Variants in OSBPL3 observed in about 807,000 individuals in gnomAD.
The protein encoded by OSBPL3 is oxysterol-binding protein-related protein 3.
In OSBPL3, 65 loss-of-function variants were observed where a neutral mutation model predicts 120.1. That is an observed-to-expected ratio of 0.54 (90% CI 0.44 to 0.67). OSBPL3 has a LOEUF of 0.67. Ranked by LOEUF, OSBPL3 falls within the 30% of genes least tolerant of loss-of-function variation. The pLI is 0.00. For synonymous variants in OSBPL3, 416 were observed against 402.6 expected, an observed-to-expected ratio of 1.03 and a Z score of -0.40; for missense variants, 1,004 against 1,082.1, an observed-to-expected ratio of 0.93 and a Z score of 1.01.
At position 24,899,195 on chromosome 7, in the gene OSBPL3, A is replaced by G. The variant is rs1284769803; in HGVS notation, c.-149-6574T>C. Among the ~76,000 whole-genome samples, 1 of 152,116 alleles carries G rather than the reference A, an allele frequency of 6.6e-6. No individual in the cohort carries two copies. The highest frequency in any genetic ancestry group is 6.5e-5 in the Admixed American group (1 of 15,270). Reference sequence around the variant, plus strand: ...ATCACCCTTCAATTTGTGCTTCTCTAACAGTGATGCCCAGATTTAAAGACA... The same window carrying G: ...ATCACCCTTCAATTTGTGCTTCTCTGACAGTGATGCCCAGATTTAAAGACA... On this transcript the variant is annotated intron_variant, in intron 1 of 22. Transcript: ENST00000313367. The surrounding 1 kb of genome is among the most constrained non-coding windows in gnomAD (Gnocchi z 4.0).
At chr7:24,908,986 A>T (rs139393536) in intron 1 of OSBPL3, among the ~76,000 whole-genome samples, 3 of 152,308 alleles carry the variant, frequency 2.0e-5, no homozygotes, top group African/African-American at 7.2e-5. Context: ...TGTCCTTTTC[A>T]AGCACATGGT....
At position 24,863,332 on chromosome 7, in the gene OSBPL3, T is replaced by G; in HGVS notation, c.778-40A>C. On this transcript the variant is annotated intron_variant, in intron 8 of 22. Transcript: ENST00000313367. The surrounding 1 kb of genome is among the most constrained non-coding windows in gnomAD (Gnocchi z 5.8). ...AGGAAAGAGAGCACAGACAGTAAAG[T>G]CCACCAAACCGACAAGGATAAATGC... 1 of 1,561,774 alleles carries G rather than the reference T, an allele frequency of 6.4e-7. No homozygotes were observed. The highest frequency in any genetic ancestry group is 8.8e-7 in the Non-Finnish European group (1 of 1,132,330).
In OSBPL3 at chr7:24,979,874, C is replaced by T; in HGVS notation, c.-150+12G>A. On this transcript the variant is annotated intron_variant, in intron 1 of 22. Coordinates refer to ENST00000313367, the MANE Select transcript of OSBPL3 (RefSeq NM_015550.4). ...ACCCAGGCCCCATTTAGGCGGGCGCCCCGCCACTCACCTGAGCGCTGTGCA... is the reference window on the plus strand; with the variant it reads ...ACCCAGGCCCCATTTAGGCGGGCGCTCCGCCACTCACCTGAGCGCTGTGCA... The T allele has an allele frequency of 5.1e-6, 5 of 985,386 alleles. No homozygotes were observed. Among genetic ancestry groups the T allele is most frequent in the Non-Finnish European group, 6.0e-6 (5 of 829,910 alleles). The allele number at this position is 985,386 out of a possible 1,614,324, so 61.0% of individuals were successfully genotyped here.
At chr7:24,809,989 A>G in intron 19 of OSBPL3, 38 bp from the exon 20 acceptor site, 1 of 1,610,848 alleles carries the variant, frequency 6.2e-7, no homozygotes, top group Non-Finnish European at 8.5e-7. Flanking sequence ...GTCCTTTAGC[A>G]TCAGCTTATT....
At chr7:24,859,299 C>T (rs1324348999) in intron 10 of OSBPL3, among the ~76,000 whole-genome samples, 1 of 151,890 alleles carries the variant, frequency 6.6e-6, no homozygotes, top group African/African-American at 2.4e-5. Context: ...ACTGCCCTCC[C>T]ACTGAAAAAT....
chr7:24,891,831 T>C lies in OSBPL3; in HGVS notation c.96+546A>G, dbSNP rs563610393. 5.3e-5 allele frequency among the ~76,000 whole-genome samples: 8 copies of C among 152,328 alleles called. No individual in the cohort carries two copies. The East Asian group carries it at 1.5e-3, about 29-fold the overall frequency. On this transcript the variant is annotated intron_variant, in intron 2 of 22. Transcript: ENST00000313367. The surrounding 1 kb of genome is among the most constrained non-coding windows in gnomAD (Gnocchi z 4.1). Reference sequence around the variant, plus strand: ...TTTTTCTGTAGATTAGGTTACCTCATCCATTATAGATATAAAGCAGGTGAG... The same window carrying C: ...TTTTTCTGTAGATTAGGTTACCTCACCCATTATAGATATAAAGCAGGTGAG...
At chr7:24,837,465 A>G (rs552393332) in intron 14 of OSBPL3, among the ~76,000 whole-genome samples, 3 of 152,216 alleles carry the variant, frequency 2.0e-5, no homozygotes, top group East Asian at 3.9e-4. Flanking sequence ...CAGCCTCCCA[A>G]AGTGTTGGGA....
rs964032359 is a variant in OSBPL3, at chr7:24,862,133, G to A, written c.871-364C>T. On this transcript the variant is annotated intron_variant, in intron 9 of 22. Transcript: ENST00000313367. This position sits in a 1 kb window ranked among gnomAD's most constrained non-coding sequence, Gnocchi z 4.4. ...GATCTCCTGACCTTGTGTTCTGCCC[G>A]CCTCAGCCTTCCAAAGTGCTGGGAT... Among the ~76,000 whole-genome samples, 6 of 152,100 alleles carry A rather than the reference G, an allele frequency of 3.9e-5. No homozygotes were observed. In the South Asian group the frequency reaches 6.2e-4, roughly 16 times the overall value.
At chr7:24,905,011 G>C (rs1303348622) in intron 1 of OSBPL3, among the ~76,000 whole-genome samples, 8 of 150,832 alleles carry the variant, frequency 5.3e-5, no homozygotes, top group Non-Finnish European at 5.9e-5. Flanking sequence ...TCATAATCAG[G>C]AGTGTTGCAC....
Position 24,803,323 on chromosome 7 carries a change from C to T in OSBPL3, c.2567+992G>A, listed in dbSNP as rs1792606903. Among the ~76,000 whole-genome samples, 1 of 152,152 alleles carries T rather than the reference C, an allele frequency of 6.6e-6. No homozygotes were observed. Among genetic ancestry groups the T allele is most frequent in the South Asian group, 2.1e-4 (1 of 4,816 alleles). ...AAAAAGAAAACAGAAAAACTAAAAT[C>T]ATATAGGCCCTGGCCTGGTAGTGAG... On this transcript the variant is annotated intron_variant, in intron 22 of 22. Coordinates refer to ENST00000313367, the MANE Select transcript of OSBPL3 (RefSeq NM_015550.4). This position sits in a 1 kb window ranked among gnomAD's most constrained non-coding sequence, Gnocchi z 4.2.
At position 24,966,161 on chromosome 7, in the gene OSBPL3, C is replaced by G. The variant is rs1291843048; in HGVS notation, c.-150+13725G>C. Among the ~76,000 whole-genome samples the G allele has an allele frequency of 6.6e-6, 1 of 152,206 alleles. No individual in the cohort carries two copies. The highest frequency in any genetic ancestry group is 1.5e-5 in the Non-Finnish European group (1 of 68,040). ...CAAGACCCACAGATCTCGCTTCCTA[C>G]AACATGGGTATTTTCCCCAGACTGG... On this transcript the variant is annotated intron_variant, in intron 1 of 22. Coordinates refer to ENST00000313367, the MANE Select transcript of OSBPL3 (RefSeq NM_015550.4). This position sits in a 1 kb window ranked among gnomAD's most constrained non-coding sequence, Gnocchi z 4.8.
intron 1 of OSBPL3, among the ~76,000 whole-genome samples, chr7:24,906,880 G>C (rs1808014145): frequency 6.6e-6 from 1 of 151,908 alleles, no homozygotes; most frequent in Non-Finnish European, 1.5e-5. Context: ...CCTCTACACT[G>C]CTCCCTACCC....
At chr7:24,925,868 AG>A (rs1396735208) in intron 1 of OSBPL3, among the ~76,000 whole-genome samples, 1 of 152,244 alleles carries the variant, frequency 6.6e-6, no homozygotes, top group Non-Finnish European at 1.5e-5. Flanking sequence ...GATGTGGAAA[AG>A]GTTGAACAGA....
Position 24,877,303 on chromosome 7 carries a change from T to C in OSBPL3, c.97-5234A>G, listed in dbSNP as rs1432306290. ...AGGCAAGTAAGGTCTTCAACCCTGC[T>C]CAGAGATAGCTACTGTTTTCCCTAT... is the stretch of plus-strand genomic sequence containing the variant. On this transcript the variant is annotated intron_variant, in intron 2 of 22. Transcript: ENST00000313367. The surrounding 1 kb of genome is among the most constrained non-coding windows in gnomAD (Gnocchi z 4.8). Among the ~76,000 whole-genome samples the C allele has an allele frequency of 2.6e-5, 4 of 152,184 alleles. No individual in the cohort carries two copies. Among genetic ancestry groups the C allele is most frequent in the Non-Finnish European group, 5.9e-5 (4 of 68,022 alleles).
At chr7:24,929,866 CA>C (rs1811572321) in intron 1 of OSBPL3, among the ~76,000 whole-genome samples, 2 of 152,272 alleles carry the variant, frequency 1.3e-5, no homozygotes, top group Admixed American at 1.3e-4. Context: ...AATCAATTGG[CA>C]AATCTTTGGA....
Position 24,881,100 on chromosome 7 carries a change from G to A in OSBPL3, c.97-9031C>T, listed in dbSNP as rs1421438376. ...AGAACAGTGCTCTCTCTTACAGAGT[G>A]CTCAAAACTATTTTTTCAGAGCTAA... On this transcript the variant is annotated intron_variant, in intron 2 of 22. Coordinates refer to ENST00000313367, the MANE Select transcript of OSBPL3 (RefSeq NM_015550.4). The surrounding 1 kb of genome is among the most constrained non-coding windows in gnomAD (Gnocchi z 4.3). 6.6e-6 allele frequency among the ~76,000 whole-genome samples: 1 copy of A among 152,170 alleles called. No homozygotes were observed. Among genetic ancestry groups the A allele is most frequent in the Non-Finnish European group, 1.5e-5 (1 of 68,022 alleles).
intron 1 of OSBPL3, among the ~76,000 whole-genome samples, chr7:24,954,190 G>A (rs1814772166): frequency 6.6e-6 from 1 of 152,144 alleles, no homozygotes; most frequent in African/African-American, 2.4e-5. Context: ...GAATCATCTG[G>A]CTGTGCTGAA....
intron 12 of OSBPL3, among the ~76,000 whole-genome samples, chr7:24,843,345 A>G (rs1485842540): frequency 1.3e-5 from 2 of 152,228 alleles, no homozygotes; most frequent in Non-Finnish European, 2.9e-5. Context: ...GAACAGATTC[A>G]GGACAGGATG....
rs142720310 is a variant in OSBPL3 at position 24,938,779 on chromosome 7, A to ATGTGTG, written c.-150+41101_-150+41106dup. Among the ~76,000 whole-genome samples the ATGTGTG allele has an allele frequency of 6.4e-4, 60 of 94,234 alleles. No individual in the cohort carries two copies. Among genetic ancestry groups the ATGTGTG allele is most frequent in the South Asian group, 5.4e-3 (13 of 2,426 alleles). The allele number at this position is 94,234 out of a possible 152,430, so 61.8% of individuals were successfully genotyped here. A position where few individuals can be genotyped will look rare whatever the true frequency, so the allele number is the denominator to read the frequency against. On this transcript the variant is annotated intron_variant, in intron 1 of 22. Coordinates refer to ENST00000313367, the MANE Select transcript of OSBPL3 (RefSeq NM_015550.4). The surrounding 1 kb of genome is among the most constrained non-coding windows in gnomAD (Gnocchi z 5.8). ...AACTGAATAATGAGGTTTTGTTTTG[A>ATGTGTG]TGTGTGTGTGTGTGTGTGTGTGTGT... is the stretch of plus-strand genomic sequence containing the variant.
Sources: gnomAD v4.1 joint callset for allele counts (sites outside exome capture counted in the v4.1 genomes callset) on GRCh38, gnomAD v4.1.1 for gene constraint, Gnocchi (gnomAD v3.1) non-coding constraint, MANE v1.5 for transcripts, NCBI Gene and HGNC (gene_info 2026-07-23, HGNC 2026-07-21) for gene names.